The following ATG2A variants were observed in gnomAD, a reference collection of about 807,000 sequenced individuals.
ATG2A encodes the protein autophagy related 2A.
In ATG2A, 103 loss-of-function variants were observed where a neutral mutation model predicts 214.2. That is an observed-to-expected ratio of 0.48 (90% confidence interval 0.41 to 0.57). ATG2A has a LOEUF of 0.57. ATG2A is among the 20% of genes least tolerant of loss of function. ATG2A has a pLI of 0.00. For missense variants in ATG2A, 2,312 were observed against 2,613.2 expected (o/e 0.88, Z 2.51); for synonymous variants, 1,160 against 1,142.1 (o/e 1.02, Z -0.32).
chr11:64,914,533 G>A, intron 1 of ATG2A, 33 bp from the exon 2 acceptor site: 2 of 1,604,358 alleles, frequency 1.2e-6, no homozygotes, highest in African/African-American at 1.3e-5. Context: ...ACCAGCTCAG[G>A]GAAACCCCAA....
Position 64,897,659 on chromosome 11 carries a change from C to G in ATG2A, c.5067+12G>C. On this transcript the variant is annotated intron_variant, in intron 36 of 40. Coordinates refer to ENST00000377264, the MANE Select transcript of ATG2A (RefSeq NM_015104.3). Reference sequence around the variant, plus strand: ...ACCCCACATGGCCACCCCATCCGACCGCCCCACTTACCACCTGGTCCATCG... The same window carrying G: ...ACCCCACATGGCCACCCCATCCGACGGCCCCACTTACCACCTGGTCCATCG... The G allele has an allele frequency of 6.2e-7, 1 of 1,614,190 alleles. No homozygotes were observed. The highest frequency in any genetic ancestry group is 8.5e-7 in the Non-Finnish European group (1 of 1,180,024).
Position 64,903,662 on chromosome 11 carries a change from T to C in ATG2A, c.3465-2A>G. On this transcript the variant is annotated splice_acceptor_variant, in intron 24 of 40. Transcript: ENST00000377264. LOFTEE classifies it high-confidence loss of function. The surrounding 1 kb of genome is among the most constrained non-coding windows in gnomAD (Gnocchi z 4.2). ...AAGGCGGAGTCATCGAGGATGAACC[T>C]GGGGGGGAACAGGGCTGAGAAGGGC... 1 of 1,548,978 alleles carries C rather than the reference T, an allele frequency of 6.5e-7. No homozygotes were observed. The highest frequency in any genetic ancestry group is 8.7e-7 in the Non-Finnish European group (1 of 1,145,920).
At chr11:64,901,888 C>A (rs1944361485) in intron 29 of ATG2A, 74 bp downstream of exon 29, 1 of 1,550,380 alleles carries the variant, frequency 6.5e-7, no homozygotes. Flanking sequence ...CAGGCAACCA[C>A]CCCTGAGTGT....
Position 64,917,189 on chromosome 11 carries a change from C to G in ATG2A, c.-54G>C. The G allele has an allele frequency of 6.5e-7, 1 of 1,533,078 alleles. No homozygotes were observed. Among genetic ancestry groups the G allele is most frequent in the East Asian group, 2.3e-5 (1 of 42,628 alleles). 95.0% of individuals were successfully genotyped at this position (1,533,078 alleles called of 1,614,324 possible). The stretch of plus-strand genomic sequence containing the variant: ...CCGCTTGCCGCCCGCCGGCGATCCC[C>G]GTCCGGCTCCGCTGTTCACTAGAGC... On this transcript the variant is annotated 5_prime_UTR_variant, in exon 1 of 41. Coordinates refer to ENST00000377264, the MANE Select transcript of ATG2A (RefSeq NM_015104.3).
In ATG2A at chr11:64,898,788, G is replaced by A. The variant is rs772733491; in HGVS notation, c.4519C>T (p.Pro1507Ser). The change falls in exon 32 of 41, where the codon CCC (proline) becomes TCC (serine). Residue 1507 changes from proline to serine, a missense_variant. Coordinates refer to ENST00000377264, the MANE Select transcript of ATG2A (RefSeq NM_015104.3). The surrounding 1 kb of genome is among the most constrained non-coding windows in gnomAD (Gnocchi z 4.5). ...GGTCGCTCCTCCAGCTCCTGGCTGG[G>A]GGCCGCAGGGCCTGTGGCTGGCTCC... ...PAEPATGPAAPSQELEERPLS... is the reference protein window; with the variant it reads ...PAEPATGPAASSQELEERPLS... 9.3e-6 allele frequency: 15 copies of A among 1,613,618 alleles called. No individual in the cohort carries two copies. The highest frequency in any genetic ancestry group is 1.2e-5 in the Non-Finnish European group (14 of 1,180,006).
At position 64,903,253 on chromosome 11, in the gene ATG2A, G is replaced by A; in HGVS notation, c.3612+35C>T. The A allele has an allele frequency of 6.3e-7, 1 of 1,598,788 alleles. No individual in the cohort carries two copies. The highest frequency in any genetic ancestry group is 8.6e-7 in the Non-Finnish European group (1 of 1,166,882). On this transcript the variant is annotated intron_variant, in intron 26 of 40. Transcript: ENST00000377264. This position sits in a 1 kb window ranked among gnomAD's most constrained non-coding sequence, Gnocchi z 4.2. ...GACTCCCTTGGCCCCTGCACCTGCT[G>A]TGGCTCCAGGAGCCAGAGTGACAGC... is the stretch of plus-strand genomic sequence containing the variant.
intron 29 of ATG2A, 83 bp from the exon 30 acceptor site, chr11:64,901,175 C>A: frequency 2.2e-6 from 3 of 1,365,714 alleles, no homozygotes; most frequent in Non-Finnish European, 3.0e-6. Flanking sequence ...GGCCTCACTT[C>A]TTTTTCATTT....
At position 64,900,479 on chromosome 11, in the gene ATG2A, C is replaced by T. The variant is rs781340563; in HGVS notation, c.4464+15G>A. On this transcript the variant is annotated intron_variant, in intron 31 of 40. Coordinates refer to ENST00000377264, the MANE Select transcript of ATG2A (RefSeq NM_015104.3). Reference sequence around the variant, plus strand: ...ATGACACACACGTGTAGTAGGCACTCGCCACCCCACTCACCTTGCTCAGCT... The same window carrying T: ...ATGACACACACGTGTAGTAGGCACTTGCCACCCCACTCACCTTGCTCAGCT... 11 of 1,612,944 alleles carry T rather than the reference C, an allele frequency of 6.8e-6. No homozygotes were observed. The highest frequency in any genetic ancestry group is 1.3e-5 in the African/African-American group (1 of 74,918).
chr11:64,902,792 AG>A (rs1354703491), intron 26 of ATG2A, 112 bp from the exon 27 acceptor site: 6 of 964,626 alleles, frequency 6.2e-6, no homozygotes, highest in Non-Finnish European at 9.5e-6. Context: ...CAGGCAGAAC[AG>A]GGATGGTCTC....
chr11:64,902,485 G>A (rs1944388611), intron 27 of ATG2A, 31 bp downstream of exon 27: 2 of 1,538,622 alleles, frequency 1.3e-6, no homozygotes, highest in African/African-American at 2.7e-5. Context: ...GCCGAGCTCT[G>A]GTAGCCTGTG....
intron 24 of ATG2A, among the ~76,000 whole-genome samples, chr11:64,904,530 C>T (rs893288073): frequency 2.7e-5 from 4 of 150,234 alleles, no homozygotes; most frequent in East Asian, 1.9e-4. Context: ...GCTGACAGAG[C>T]GAGACTCTGT....
Position 64,906,538 on chromosome 11 carries a change from G to T in ATG2A, c.2984-5C>A. 1 of 1,612,488 alleles carries T rather than the reference G, an allele frequency of 6.2e-7. No homozygotes were observed. On this transcript the variant is annotated splice_region_variant and splice_polypyrimidine_tract_variant and intron_variant, in intron 20 of 40. Coordinates refer to ENST00000377264, the MANE Select transcript of ATG2A (RefSeq NM_015104.3). ...GCGGGTAGTCATCCACGGCCGCTGG[G>T]GAGGGGTCTCATGAGCCCCCTGCCA...
chr11:64,909,816 G>A lies in ATG2A; in HGVS notation c.1972C>T (p.Pro658Ser), dbSNP rs779434641. ...PIADLRPEPD[P>S]WAGQAVRAEQ... ...GCCCGCACGGCCTGGCCCGCCCAGG[G>A]GTCCGGCTCAGGCCGCAGGTCGGCA... The change falls in exon 14 of 41, where the codon CCC becomes TCC. Residue 658 changes from proline to serine, a missense_variant. By Grantham distance (74) the Pro-to-Ser change is moderately conservative. Coordinates refer to ENST00000377264, the MANE Select transcript of ATG2A (RefSeq NM_015104.3). The A allele has an allele frequency of 6.2e-7, 1 of 1,611,384 alleles. No homozygotes were observed. Among genetic ancestry groups the A allele is most frequent in the African/African-American group, 1.3e-5 (1 of 74,946 alleles).
At chr11:64,916,206 C>G (rs956763955) in intron 1 of ATG2A, among the ~76,000 whole-genome samples, 1 of 152,172 alleles carries the variant, frequency 6.6e-6, no homozygotes, top group Non-Finnish European at 1.5e-5. Flanking sequence ...ACCTCTTGGC[C>G]TCCCTAGCAT....
In ATG2A at chr11:64,898,403, T is replaced by C. The variant is rs764070708; in HGVS notation, c.4672-41A>G. On this transcript the variant is annotated intron_variant, in intron 32 of 40. Transcript: ENST00000377264. The surrounding 1 kb of genome is among the most constrained non-coding windows in gnomAD (Gnocchi z 4.5). ...GAGTTCTGGACACCTGCTGGGCCTC[T>C]GGGGCAGCAGCTCACCCAGCTGTTC... 1 of 1,508,694 alleles carries C rather than the reference T, an allele frequency of 6.6e-7. No individual in the cohort carries two copies. Among genetic ancestry groups the C allele is most frequent in the Non-Finnish European group, 8.9e-7 (1 of 1,118,258 alleles). 93.5% of individuals were successfully genotyped at this position (1,508,694 alleles called of 1,614,324 possible).
At chr11:64,914,792 G>A (rs1363952630) in intron 1 of ATG2A, among the ~76,000 whole-genome samples, 1 of 151,958 alleles carries the variant, frequency 6.6e-6, no homozygotes, top group Non-Finnish European at 1.5e-5. Context: ...GAGACTAGAT[G>A]GGTAAATAAA....
In ATG2A at chr11:64,898,326, T is replaced by A; in HGVS notation, c.4708A>T (p.Asn1570Tyr). Reference sequence around the variant, plus strand: ...AGACAGCACTCAGGCCCACCCAGGTTGGTAGTGGGGGCCACATGCAGCGCT... The same window carrying A: ...AGACAGCACTCAGGCCCACCCAGGTAGGTAGTGGGGGCCACATGCAGCGCT... ...IKALHVAPTT[N>Y]LGGPECCLRV... Residue 1570 changes from asparagine to tyrosine, a missense_variant, in exon 33 of 41, where the codon AAC becomes TAC. Asn to Tyr is a moderately radical substitution (Grantham distance 143). Transcript: ENST00000377264. The surrounding 1 kb of genome is among the most constrained non-coding windows in gnomAD (Gnocchi z 4.5). The A allele has an allele frequency of 6.2e-7, 1 of 1,610,550 alleles. No homozygotes were observed.
intron 1 of ATG2A, among the ~76,000 whole-genome samples, chr11:64,916,354 C>T (rs1459940769): frequency 1.3e-5 from 2 of 152,214 alleles, no homozygotes; most frequent in Non-Finnish European, 2.9e-5. Context: ...TAGACACCCA[C>T]TTGGCCCATC....
chr11:64,905,455 C>T lies in ATG2A; in HGVS notation c.3464+108G>A, dbSNP rs988091372. 17 of 1,201,734 alleles carry T rather than the reference C, an allele frequency of 1.4e-5. No homozygotes were observed. The African/African-American group carries it at 2.4e-4, about 17-fold the overall frequency. The allele number at this position is 1,201,734 out of a possible 1,614,324, so 74.4% of individuals were successfully genotyped here. A position where few individuals can be genotyped will look rare whatever the true frequency, so the allele number is the denominator to read the frequency against. On this transcript the variant is annotated intron_variant, in intron 24 of 40. Transcript: ENST00000377264. ...ACAATCCACATTCCTGAGAATGAGA[C>T]TATCACCCGGGTGTACATTAAGACC...
Sources: allele counts gnomAD v4.1 joint callset (sites outside exome capture counted in the v4.1 genomes callset), GRCh38; gene constraint gnomAD v4.1.1; non-coding constraint Gnocchi (gnomAD v3.1); transcripts MANE v1.5; gene names NCBI Gene and HGNC (gene_info 2026-07-23, HGNC 2026-07-21).